DYNC1I2: variants seen among roughly 807,000 people sequenced by gnomAD.
The protein encoded by DYNC1I2 is dynein cytoplasmic 1 intermediate chain 2, also known as cytoplasmic dynein 1 intermediate chain 2.
Under a neutral mutation model 88.6 loss-of-function variants are expected in DYNC1I2, and 53 were observed. That is an observed-to-expected ratio of 0.60 (90% CI 0.48 to 0.75). DYNC1I2 has a LOEUF of 0.75. Among genes scored for constraint, DYNC1I2 ranks in the 30% least tolerant of loss-of-function variants. DYNC1I2 has a pLI of 0.00. For synonymous variants in DYNC1I2, 198 were observed against 254.6 expected (o/e 0.78, Z 2.12); for missense variants, 458 against 766.6 (o/e 0.60, Z 4.75).
intron 3 of DYNC1I2, among the ~76,000 whole-genome samples, chr2:171,701,250 ATC>A (rs1686236412): frequency 6.6e-6 from 1 of 152,074 alleles, no homozygotes; most frequent in Non-Finnish European, 1.5e-5. Flanking sequence ...CAGTGGCACG[ATC>A]TCCACCTCCC....
intron 3 of DYNC1I2, among the ~76,000 whole-genome samples, chr2:171,705,336 G>A (rs1291350485): frequency 6.6e-6 from 1 of 152,016 alleles, no homozygotes; most frequent in Non-Finnish European, 1.5e-5. Context: ...TCATCAGAAA[G>A]GGGGAAAAGC....
intron 10 of DYNC1I2, 131 bp from the exon 11 acceptor site, chr2:171,726,660 G>T: frequency 9.8e-7 from 1 of 1,015,364 alleles, no homozygotes; most frequent in Non-Finnish European, 1.4e-6. Flanking sequence ...TAATGCTAGA[G>T]ATGTCTCTCT....
chr2:171,707,175 C>T (rs1179094658), intron 4 of DYNC1I2, 112 bp from the exon 5 acceptor site: 11 of 1,493,348 alleles, frequency 7.4e-6, no homozygotes, highest in Non-Finnish European at 9.1e-6. Flanking sequence ...TTTGGTTTGC[C>T]ATTGTTTTTT....
At chr2:171,701,414 C>T (rs904860002) in intron 3 of DYNC1I2, among the ~76,000 whole-genome samples, 1 of 152,190 alleles carries the variant, frequency 6.6e-6, no homozygotes, top group Non-Finnish European at 1.5e-5. Flanking sequence ...AAGTGATCCA[C>T]CCACCTGGTC....
At chr2:171,740,617 C>CT (rs1689358800) in intron 15 of DYNC1I2, among the ~76,000 whole-genome samples, 1 of 152,050 alleles carries the variant, frequency 6.6e-6, no homozygotes, top group African/African-American at 2.4e-5. Context: ...TTCAAGCTGT[C>CT]TTTCATTTTA....
rs61079902 is a variant in DYNC1I2, at chr2:171,733,459, C to CTTTTTTTT, written c.1536+3629_1536+3636dup. On this transcript the variant is annotated intron_variant, in intron 15 of 17. Transcript: ENST00000397119. ...TTTTTCTCCACAACCTTGCCAGCAT[C>CTTTTTTTT]TTTTTTTTTTTTTTTTTTTTTTTTT... Among the ~76,000 whole-genome samples the CTTTTTTTT allele has an allele frequency of 6.8e-4, 38 of 55,800 alleles. 3 individuals carry two copies. The highest frequency in any genetic ancestry group is 9.5e-4 in the Non-Finnish European group (30 of 31,494). The allele number at this position is 55,800 out of a possible 152,430, so 36.6% of individuals were successfully genotyped here. A position where few individuals can be genotyped will look rare whatever the true frequency, so the allele number is the denominator to read the frequency against.
intron 15 of DYNC1I2, among the ~76,000 whole-genome samples, chr2:171,736,301 T>G (rs1689000858): frequency 6.6e-6 from 1 of 152,206 alleles, no homozygotes; most frequent in Non-Finnish European, 1.5e-5. Flanking sequence ...GTTTAATCAG[T>G]ATACTAGAGT....
chr2:171,701,848 T>G (rs1686286018), intron 3 of DYNC1I2, among the ~76,000 whole-genome samples: 5 of 152,236 alleles, frequency 3.3e-5, no homozygotes, highest in Admixed American at 3.3e-4. Flanking sequence ...AAGGTTTTTC[T>G]GAGTGGGGCG....
chr2:171,692,433 T>C (rs1475130079), intron 2 of DYNC1I2, among the ~76,000 whole-genome samples: 4 of 151,996 alleles, frequency 2.6e-5, no homozygotes, highest in African/African-American at 9.7e-5. Context: ...TTTGTGCCAC[T>C]TGGGGGAAGT....
At position 171,690,136 on chromosome 2, in the gene DYNC1I2, A is replaced by G. The variant is rs368799638; in HGVS notation, c.-9-11A>G. ...CTGCTTTTACTAACATAATGATTAT[A>G]TGTTTCTAAGGTCACAAACATGTCA... On this transcript the variant is annotated splice_polypyrimidine_tract_variant and intron_variant, in intron 1 of 17. Transcript: ENST00000397119. 130 of 1,499,886 alleles carry G rather than the reference A, an allele frequency of 8.7e-5. No individual in the cohort carries two copies. In the African/African-American group the frequency reaches 1.4e-3, roughly 16 times the overall value. The allele number at this position is 1,499,886 out of a possible 1,614,324, so 92.9% of individuals were successfully genotyped here. A position where few individuals can be genotyped will look rare whatever the true frequency, so the allele number is the denominator to read the frequency against.
chr2:171,739,488 C>G (rs980914622), intron 15 of DYNC1I2, among the ~76,000 whole-genome samples: 1 of 152,104 alleles, frequency 6.6e-6, no homozygotes, highest in Non-Finnish European at 1.5e-5. Context: ...CCTATACATA[C>G]CATTTCAACT....
rs555700330 is a variant in DYNC1I2, at chr2:171,728,157, G to A, written c.1144-148G>A. ...TATTAGAAACTCATCTCTCTTCTGCGACAACATTTTGTTAATAGCAAACTT... is the reference window on the plus strand; with the variant it reads ...TATTAGAAACTCATCTCTCTTCTGCAACAACATTTTGTTAATAGCAAACTT... On this transcript the variant is annotated intron_variant, in intron 12 of 17. Transcript: ENST00000397119. 8.5e-5 allele frequency: 63 copies of A among 737,980 alleles called. No individual in the cohort carries two copies. In the South Asian group the frequency reaches 1.1e-3, roughly 13 times the overall value. The allele number at this position is 737,980 out of a possible 1,614,324, so 45.7% of individuals were successfully genotyped here.
intron 3 of DYNC1I2, among the ~76,000 whole-genome samples, chr2:171,701,447 G>A (rs1686253716): frequency 6.6e-6 from 1 of 152,180 alleles, no homozygotes; most frequent in South Asian, 2.1e-4. Context: ...TGGGATTATA[G>A]GTGTGAGCCA....
Position 171,715,449 on chromosome 2 carries a change from T to G in DYNC1I2, c.511+6T>G. 3 of 1,511,470 alleles carry G rather than the reference T, an allele frequency of 2.0e-6. No individual in the cohort carries two copies. Among genetic ancestry groups the G allele is most frequent in the Non-Finnish European group, 2.7e-6 (3 of 1,107,260 alleles). 93.6% of individuals were successfully genotyped at this position (1,511,470 alleles called of 1,614,324 possible). A position where few individuals can be genotyped will look rare whatever the true frequency, so the allele number is the denominator to read the frequency against. ...TATGGCTCAACCCAAAGAAGGTGAA[T>G]ATCTATCCTTAGTATAATTGTCATT... On this transcript the variant is annotated splice_donor_region_variant and intron_variant, in intron 7 of 17. Transcript: ENST00000397119.
intron 15 of DYNC1I2, among the ~76,000 whole-genome samples, chr2:171,739,104 GA>G (rs59094657): frequency 1.2e-3 from 91 of 77,280 alleles, no homozygotes; most frequent in Admixed American, 4.6e-3. Flanking sequence ...CAACAAGAGT[GA>G]AAAAAAAAAA....
chr2:171,734,803 G>GTATT (rs780205453), intron 15 of DYNC1I2, among the ~76,000 whole-genome samples: 1 of 152,166 alleles, frequency 6.6e-6, no homozygotes, highest in Non-Finnish European at 1.5e-5. Context: ...TGTGTTGCTG[G>GTATT]TATTTATTTC....
chr2:171,745,049 G>T (rs1038210130), intron 16 of DYNC1I2, among the ~76,000 whole-genome samples: 1 of 152,136 alleles, frequency 6.6e-6, no homozygotes, highest in Non-Finnish European at 1.5e-5. Flanking sequence ...TTGGTATTCT[G>T]TGTATGGGGT....
intron 1 of DYNC1I2, 86 bp from the exon 2 acceptor site, chr2:171,690,061 T>C (rs1018901471): frequency 1.3e-6 from 1 of 776,134 alleles, no homozygotes; most frequent in African/African-American, 1.8e-5. Flanking sequence ...TTGAACTATA[T>C]GGCCTTTCGG....
intron 6 of DYNC1I2, among the ~76,000 whole-genome samples, chr2:171,714,056 A>G (rs1048731397): frequency 1.2e-4 from 19 of 152,128 alleles, no homozygotes; most frequent in African/African-American, 3.6e-4. Flanking sequence ...TTTTCCAGCT[A>G]TGTGAGTGAT....
Sources: allele counts gnomAD v4.1 joint callset (sites outside exome capture counted in the v4.1 genomes callset), GRCh38; gene constraint gnomAD v4.1.1; transcripts MANE v1.5; gene names NCBI Gene and HGNC (gene_info 2026-07-23, HGNC 2026-07-21).